The following PRAG1 variants were observed in gnomAD, a reference collection of about 807,000 sequenced individuals.
PRAG1 encodes the protein inactive tyrosine-protein kinase PRAG1.
Under a neutral mutation model 95.6 loss-of-function variants are expected in PRAG1, and 110 were observed. The ratio of observed to expected loss-of-function variants is 1.15; its 90% CI spans 0.99 to 1.35. The LOEUF is 1.35. Ranked by LOEUF, PRAG1 falls within the 40% of genes most tolerant of loss-of-function variation. The pLI, the probability that PRAG1 is intolerant of heterozygous loss-of-function variation, is 0.00. For synonymous variants in PRAG1, 1,052 were observed against 819.4 expected, an observed-to-expected ratio of 1.28 and a Z score of -4.85; for missense variants, 2,554 against 1,864.7, an observed-to-expected ratio of 1.37 and a Z score of -6.81.
At chr8:8,346,317 C>T (rs1179748071) in intron 3 of PRAG1, among the ~76,000 whole-genome samples, 1 of 152,222 alleles carries the variant, frequency 6.6e-6, no homozygotes, top group African/African-American at 2.4e-5. Flanking sequence ...AGTACAGTCT[C>T]CACAGATGTC....
rs1476195047 is a variant in PRAG1 at position 8,377,002 on chromosome 8, C to T, written c.1407G>A (p.Gln469=). The T allele has an allele frequency of 1.2e-6, 2 of 1,613,722 alleles. No homozygotes were observed. The highest frequency in any genetic ancestry group is 2.2e-5 in the East Asian group (1 of 44,878). The change falls in exon 3 of 6, where the codon CAG becomes CAA. Residue 469 remains glutamine, a synonymous_variant. Transcript: ENST00000615670. The part of the protein sequence containing the change: ...WGRDSPDPTP[Q]VSATITVMAA... ...CCATGACTGTGATGGTGGCTGACAC[C>T]TGGGGAGTTGGGTCTGGGCTGTCCC... is the stretch of plus-strand genomic sequence containing the variant.
intron 3 of PRAG1, among the ~76,000 whole-genome samples, chr8:8,369,711 T>C (rs1800129099): frequency 1.3e-5 from 2 of 152,052 alleles, no homozygotes; most frequent in Non-Finnish European, 2.9e-5. Context: ...TTTTTTTTTT[T>C]TTTTTACAAG....
intron 3 of PRAG1, among the ~76,000 whole-genome samples, chr8:8,375,208 T>TTTTTTTTTTG (rs1554511987): frequency 1.4e-5 from 2 of 146,190 alleles, no homozygotes; most frequent in African/African-American, 2.6e-5. Flanking sequence ...TTCTTTGTTT[T>TTTTTTTTTTG]TTTTTTTGTT....
At chr8:8,353,979 A>T (rs555162686) in intron 3 of PRAG1, among the ~76,000 whole-genome samples, 128 of 152,256 alleles carry the variant, frequency 8.4e-4, no homozygotes, top group Non-Finnish European at 5.7e-4. Flanking sequence ...ATAAGGAAAA[A>T]AAAAGTCAAT....
intron 3 of PRAG1, among the ~76,000 whole-genome samples, chr8:8,359,524 T>C (rs79430568): frequency 7.9e-4 from 121 of 152,344 alleles, no homozygotes; most frequent in Non-Finnish European, 1.4e-3. Flanking sequence ...CTCTAAGGTC[T>C]TGCACTAATC....
At chr8:8,369,114 T>C (rs914092501) in intron 3 of PRAG1, among the ~76,000 whole-genome samples, 95 of 152,176 alleles carry the variant, frequency 6.2e-4, no homozygotes, top group African/African-American at 2.2e-3. Context: ...TGAGCGAGAA[T>C]AGTTGCAGAA....
At chr8:8,339,782 C>A in intron 3 of PRAG1, 147 bp from the exon 4 acceptor site, 6 of 720,656 alleles carry the variant, frequency 8.3e-6, no homozygotes, top group South Asian at 2.2e-5. Context: ...TTTGGGGAGA[C>A]AGTAGAGGTT....
intron 3 of PRAG1, among the ~76,000 whole-genome samples, chr8:8,342,919 A>T (rs1778048259): frequency 6.6e-6 from 1 of 152,186 alleles, no homozygotes; most frequent in Admixed American, 6.5e-5. Context: ...TTTAAAATTT[A>T]AAACTTCTGC....
intron 4 of PRAG1, among the ~76,000 whole-genome samples, chr8:8,334,136 A>AAAAAAC (rs1321263171): frequency 2.0e-5 from 3 of 152,332 alleles, no homozygotes; most frequent in South Asian, 2.1e-4. Flanking sequence ...AATGTAGAAG[A>AAAAAAC]AAAAACAAAA....
At chr8:8,336,448 A>G (rs1206433485) in intron 4 of PRAG1, among the ~76,000 whole-genome samples, 1 of 152,200 alleles carries the variant, frequency 6.6e-6, no homozygotes, top group Non-Finnish European at 1.5e-5. Flanking sequence ...TAAACCAAGC[A>G]TAAACCAAAC....
rs1338792995 is a variant in PRAG1, at chr8:8,318,895, G to A, written c.3480C>T (p.Ala1160=). Residue 1160 remains alanine (A), a synonymous_variant, in exon 6 of 6, where the codon GCC becomes GCT. Coordinates refer to ENST00000615670, the MANE Select transcript of PRAG1 (RefSeq NM_001080826.3). The surrounding 1 kb of genome is among the most constrained non-coding windows in gnomAD (Gnocchi z 4.2). ...NLLLVHCTLQ[A]GPGPAPAPAP... is the part of the protein sequence containing the mutation. ...CGGGGGCGGGGGCGGGCCCGGGGCC[G>A]GCCTGGAGGGTGCAGTGCACCAGCA... 4.5e-6 allele frequency: 7 copies of A among 1,562,916 alleles called. No individual in the cohort carries two copies. Among genetic ancestry groups the A allele is most frequent in the Non-Finnish European group, 6.1e-6 (7 of 1,152,884 alleles).
At chr8:8,347,609 CTG>C (rs1186814894) in intron 3 of PRAG1, among the ~76,000 whole-genome samples, 1 of 152,114 alleles carries the variant, frequency 6.6e-6, no homozygotes, top group Non-Finnish European at 1.5e-5. Flanking sequence ...TATCATATGC[CTG>C]TGTTACCTGC....
chr8:8,378,390 C>T (rs1035277164), intron 2 of PRAG1, among the ~76,000 whole-genome samples: 3 of 152,222 alleles, frequency 2.0e-5, no homozygotes, highest in East Asian at 1.9e-4. Flanking sequence ...AAAAAGAACA[C>T]TGTGCCTTCT....
At chr8:8,374,476 G>C (rs1030542650) in intron 3 of PRAG1, 5 of 177,172 alleles carry the variant, frequency 2.8e-5, no homozygotes, top group Non-Finnish European at 5.5e-5. Context: ...TGCAGGTACA[G>C]CAGGAACCTT....
At chr8:8,351,162 G>A (rs1034941776) in intron 3 of PRAG1, among the ~76,000 whole-genome samples, 7 of 152,122 alleles carry the variant, frequency 4.6e-5, no homozygotes, top group African/African-American at 1.7e-4. Flanking sequence ...TTCTGGGTAG[G>A]CCTCATGAAA....
At chr8:8,379,672 G>T (rs1800566743) in intron 2 of PRAG1, among the ~76,000 whole-genome samples, 2 of 152,204 alleles carry the variant, frequency 1.3e-5, no homozygotes, top group Non-Finnish European at 2.9e-5. Flanking sequence ...AACTAGAACA[G>T]GCAAAGAGGT....
chr8:8,322,676 C>G (rs1462694808), intron 5 of PRAG1, among the ~76,000 whole-genome samples: 2 of 152,160 alleles, frequency 1.3e-5, no homozygotes, highest in Non-Finnish European at 2.9e-5. Flanking sequence ...TGTTCTCACT[C>G]AAGCCTGCTA....
At chr8:8,326,801 C>T (rs1478645825) in intron 5 of PRAG1, among the ~76,000 whole-genome samples, 1 of 152,194 alleles carries the variant, frequency 6.6e-6, no homozygotes, top group South Asian at 2.1e-4. Context: ...CAGCCACCAA[C>T]TAGCTATGGG....
intron 5 of PRAG1, among the ~76,000 whole-genome samples, chr8:8,323,178 G>T (rs781348842): frequency 1.3e-5 from 2 of 152,182 alleles, no homozygotes; most frequent in South Asian, 4.1e-4. Context: ...GGGTGATATG[G>T]TTTGGCTGTG....
Sources: gnomAD v4.1 joint callset for allele counts (sites outside exome capture counted in the v4.1 genomes callset) on GRCh38, gnomAD v4.1.1 for gene constraint, Gnocchi (gnomAD v3.1) non-coding constraint, MANE v1.5 for transcripts, NCBI Gene and HGNC (gene_info 2026-07-23, HGNC 2026-07-21) for gene names.